Variants in PLSCR2 observed in about 807,000 individuals in gnomAD.
PLSCR2 encodes phospholipid scramblase 2.
In PLSCR2, 18 loss-of-function variants were observed where a neutral mutation model predicts 25.3. That is an observed-to-expected ratio of 0.71 (90% CI 0.49 to 1.06). The LOEUF is 1.06. Ranked by LOEUF, PLSCR2 falls within the 50% of genes least tolerant of loss-of-function variation. PLSCR2 has a pLI of 0.00. For synonymous variants in PLSCR2, 88 were observed against 87.3 expected (o/e 1.01, Z -0.04); for missense variants, 243 against 269.5 (o/e 0.90, Z 0.69).
intron 2 of PLSCR2, among the ~76,000 whole-genome samples, chr3:146,397,712 A>G (rs937051078): frequency 1.3e-5 from 2 of 152,126 alleles, no homozygotes; most frequent in Non-Finnish European, 2.9e-5. Flanking sequence ...AATATAAAAA[A>G]ATGCACAAAA....
In PLSCR2 at chr3:146,444,914, T is replaced by C. The variant is rs1020306068; in HGVS notation, c.646-3093A>G. Among the ~76,000 whole-genome samples, 4 of 152,220 alleles carry C rather than the reference T, an allele frequency of 2.6e-5. No homozygotes were observed. The South Asian group carries it at 8.3e-4, about 32-fold the overall frequency. Reference sequence around the variant, plus strand: ...TGTTTTAATTTCTTGCTTTTGATTCTGTATGTATCTTTTCTACGTTTTTGA... The same window carrying C: ...TGTTTTAATTTCTTGCTTTTGATTCCGTATGTATCTTTTCTACGTTTTTGA... On this transcript the variant is annotated intron_variant, in intron 6 of 6. Transcript: ENST00000610787.
upstream of PLSCR2, among the ~76,000 whole-genome samples, chr3:146,461,343 A>T (rs2041559736): frequency 6.6e-6 from 1 of 152,214 alleles, no homozygotes; most frequent in African/African-American, 2.4e-5. Context: ...GTACTAATGC[A>T]CTGTAAATAT....
chr3:146,475,223 C>T (rs1404324503), intron 1 of PLSCR2, among the ~76,000 whole-genome samples: 1 of 151,986 alleles, frequency 6.6e-6, no homozygotes, highest in Non-Finnish European at 1.5e-5. Context: ...AAGAGGCACT[C>T]TGGCCTTTTG....
intron 8 of PLSCR2, among the ~76,000 whole-genome samples, chr3:146,436,403 T>C (rs1428556728): frequency 6.6e-6 from 1 of 152,244 alleles, no homozygotes; most frequent in Admixed American, 6.5e-5. Flanking sequence ...TTCCTGTCCA[T>C]GAGCATGAAA....
intron 3 of PLSCR2, among the ~76,000 whole-genome samples, chr3:146,392,564 A>G (rs1258220081): frequency 1.3e-5 from 2 of 151,984 alleles, no homozygotes; most frequent in Non-Finnish European, 2.9e-5. Flanking sequence ...TTTTATTAAC[A>G]TAAGAACATT....
chr3:146,398,373 T>G (rs1350687968), intron 2 of PLSCR2, among the ~76,000 whole-genome samples: 1 of 151,744 alleles, frequency 6.6e-6, no homozygotes, highest in Non-Finnish European at 1.5e-5. Flanking sequence ...TAGGTCATTG[T>G]CCATTTAAAT....
At chr3:146,460,150 C>A (rs1386367954) in intron 1 of PLSCR2, 67 bp from the exon 2 acceptor site, 2 of 1,378,334 alleles carry the variant, frequency 1.5e-6, no homozygotes, top group South Asian at 3.0e-5. Flanking sequence ...TTTAGAATAA[C>A]CCCAGTTATC....
At chr3:146,455,911 T>C (rs140192006) in intron 3 of PLSCR2, among the ~76,000 whole-genome samples, 2 of 152,320 alleles carry the variant, frequency 1.3e-5, no homozygotes, top group East Asian at 3.9e-4. Context: ...CATACTTATG[T>C]CTTCTTTGTT....
chr3:146,458,367 C>A, intron 3 of PLSCR2, 44 bp downstream of exon 3: 7 of 1,441,958 alleles, frequency 4.9e-6, no homozygotes, highest in Non-Finnish European at 6.5e-6. Flanking sequence ...TTTGCATAAA[C>A]TTCTTCTCTT....
intron 2 of PLSCR2, among the ~76,000 whole-genome samples, chr3:146,426,274 T>TG (rs2039348286): frequency 8.5e-6 from 1 of 117,156 alleles, no homozygotes; most frequent in Non-Finnish European, 1.8e-5. Context: ...TCCTTCCTTC[T>TG]TTTCTTCCTT....
At chr3:146,401,217 T>C (rs939911596) in intron 2 of PLSCR2, 3 of 152,134 alleles carry the variant, frequency 2.0e-5, no homozygotes, top group African/African-American at 7.2e-5. Context: ...TCTCACCCTA[T>C]ACTTATGTGG....
Position 146,435,494 on chromosome 3 carries a change from G to A in PLSCR2, c.*35-1977C>T, listed in dbSNP as rs539175855. On this transcript the variant is annotated intron_variant, in intron 8 of 8. Transcript: ENST00000336685. ...TGGTGTGAGATGGTATCTCATTGTG[G>A]TTTTGATTTGCATTTCTCTGATGGC... Among the ~76,000 whole-genome samples, 43 of 152,286 alleles carry A rather than the reference G, an allele frequency of 2.8e-4. No individual in the cohort carries two copies. The East Asian group carries it at 7.5e-3, about 27-fold the overall frequency.
chr3:146,435,978 G>A lies in PLSCR2; in HGVS notation c.*35-2461C>T, dbSNP rs1350535125. On this transcript the variant is annotated intron_variant, in intron 8 of 8. Transcript: ENST00000336685. ...GGTGTAAGGAAGGGATGCAGTTTCA[G>A]CTTTCTACATATGGCTAGCCAGTAT... 2.6e-5 allele frequency among the ~76,000 whole-genome samples: 4 copies of A among 152,162 alleles called. No homozygotes were observed. The East Asian group carries it at 7.7e-4, about 29-fold the overall frequency.
At chr3:146,404,602 T>C (rs1304248756) in intron 2 of PLSCR2, among the ~76,000 whole-genome samples, 1 of 152,198 alleles carries the variant, frequency 6.6e-6, no homozygotes, top group African/African-American at 2.4e-5. Flanking sequence ...ATACATTCAT[T>C]CCACCCAATA....
At chr3:146,396,429 C>T (rs1289720685) in intron 2 of PLSCR2, among the ~76,000 whole-genome samples, 1 of 152,028 alleles carries the variant, frequency 6.6e-6, no homozygotes, top group Non-Finnish European at 1.5e-5. Context: ...AACAACAAAC[C>T]TGGGATGAAT....
At chr3:146,441,424 A>C (rs186747530), downstream of PLSCR2, among the ~76,000 whole-genome samples, 53 of 152,110 alleles carry the variant, frequency 3.5e-4, no homozygotes, top group Non-Finnish European at 7.4e-5. Flanking sequence ...CTCCTTTAAT[A>C]AGGCTTTAAT....
intron 2 of PLSCR2, among the ~76,000 whole-genome samples, chr3:146,410,978 C>T (rs1323379915): frequency 6.6e-6 from 1 of 152,136 alleles, no homozygotes; most frequent in Non-Finnish European, 1.5e-5. Flanking sequence ...ACGGCCCATT[C>T]GAACTCCGTA....
At chr3:146,485,057 GAC>G in intron 1 of PLSCR2, among the ~76,000 whole-genome samples, 1 of 150,104 alleles carries the variant, frequency 6.7e-6, no homozygotes, top group African/African-American at 2.5e-5. Context: ...TCTGTACAAA[GAC>G]ACACACAGGC....
At chr3:146,436,865 G>T (rs1413887381), downstream of PLSCR2, among the ~76,000 whole-genome samples, 2 of 152,118 alleles carry the variant, frequency 1.3e-5, no homozygotes, top group Admixed American at 6.6e-5. Context: ...TTTTCAAAGG[G>T]AATGCTTCCA....
Sources: allele counts gnomAD v4.1 joint callset (sites outside exome capture counted in the v4.1 genomes callset), GRCh38; gene constraint gnomAD v4.1.1; transcripts MANE v1.5; gene names NCBI Gene and HGNC (gene_info 2026-07-23, HGNC 2026-07-21).